Variants in NR2C2 observed in about 807,000 individuals in gnomAD.
The protein encoded by NR2C2 is nuclear receptor subfamily 2 group C member 2, also known as Nuclear hormone receptor TR4.
In NR2C2, 6 loss-of-function variants were observed where a neutral mutation model predicts 62.9. The ratio of observed to expected loss-of-function variants is 0.10; its 90% CI spans 0.05 to 0.19. The LOEUF is 0.19. Among genes scored for constraint, NR2C2 ranks in the 10% least tolerant of loss-of-function variants. NR2C2 has a pLI of 1.00. For missense variants in NR2C2, 479 were observed against 762.7 expected, an observed-to-expected ratio of 0.63 and a Z score of 4.38; for synonymous variants, 272 against 273.8, an observed-to-expected ratio of 0.99 and a Z score of 0.07.
intron 1 of NR2C2, among the ~76,000 whole-genome samples, chr3:14,953,725 C>A (rs1245688408): frequency 6.6e-6 from 1 of 152,072 alleles, no homozygotes; most frequent in Non-Finnish European, 1.5e-5. Context: ...GAAACCCCAT[C>A]TCTACTAACA....
At chr3:14,978,366 C>T (rs1227909022) in intron 1 of NR2C2, among the ~76,000 whole-genome samples, 1 of 152,138 alleles carries the variant, frequency 6.6e-6, no homozygotes, top group East Asian at 1.9e-4. Context: ...TAACACAAAG[C>T]CTATTTTATA....
At chr3:15,010,479 G>A (rs573839622) in intron 2 of NR2C2, among the ~76,000 whole-genome samples, 126 of 151,934 alleles carry the variant, frequency 8.3e-4, no homozygotes, top group Non-Finnish European at 1.4e-3. Flanking sequence ...CTTGGGAGGC[G>A]AAGGCACGAG....
At chr3:15,024,767 C>T (rs1434530557) in intron 7 of NR2C2, among the ~76,000 whole-genome samples, 1 of 152,216 alleles carries the variant, frequency 6.6e-6, no homozygotes, top group Non-Finnish European at 1.5e-5. Context: ...CACTGTTTGT[C>T]TCATCCTGGT....
chr3:15,031,587 G>A (rs967685173), intron 9 of NR2C2, among the ~76,000 whole-genome samples: 4 of 151,902 alleles, frequency 2.6e-5, no homozygotes, highest in African/African-American at 9.7e-5. Flanking sequence ...TGCCCAAGCT[G>A]GTCTCAAACA....
chr3:14,994,569 A>C (rs2040767039), intron 1 of NR2C2, among the ~76,000 whole-genome samples: 1 of 147,472 alleles, frequency 6.8e-6, no homozygotes, highest in African/African-American at 2.5e-5. Context: ...CAGACTCCCG[A>C]GTAGCTGGGA....
chr3:15,007,024 C>T (rs2041193143), intron 2 of NR2C2, among the ~76,000 whole-genome samples: 2 of 152,198 alleles, frequency 1.3e-5, no homozygotes, highest in East Asian at 1.9e-4. Flanking sequence ...ATCAGCCTGC[C>T]TCGGCCTCCC....
In NR2C2 at chr3:15,030,320, C is replaced by G. The variant is rs1275225139; in HGVS notation, c.978C>G (p.Ser326=). The G allele has an allele frequency of 6.2e-7, 1 of 1,612,792 alleles. No homozygotes were observed. The highest frequency in any genetic ancestry group is 2.2e-5 in the East Asian group (1 of 44,790). ...LAKALNTTDS[S]SSPSLADGID... ...AAGCACTTAATACCACAGACAGCTC[C>G]TCTTCTCCAAGCTTGGCAGATGGGA... The change falls in exon 9 of 14, where the codon TCC becomes TCG. Residue 326 remains serine, a synonymous_variant. Coordinates refer to ENST00000425241, the MANE Select transcript of NR2C2 (RefSeq NM_001291694.2).
At position 15,043,245 on chromosome 3, in the gene NR2C2, T is replaced by A. The variant is rs2042333550; in HGVS notation, c.*237T>A. 6 of 346,796 alleles carry A rather than the reference T, an allele frequency of 1.7e-5. No homozygotes were observed. Among genetic ancestry groups the A allele is most frequent in the Non-Finnish European group, 1.5e-5 (3 of 194,684 alleles). The allele number at this position is 346,796 out of a possible 1,614,324, so 21.5% of individuals were successfully genotyped here. ...AAGCAGCAGATTTTGGAACAATCTT[T>A]TAACTCAATTTGTATTTAGAAATTC... is the stretch of plus-strand genomic sequence containing the variant. On this transcript the variant is annotated 3_prime_UTR_variant, in exon 14 of 14. Coordinates refer to ENST00000425241, the MANE Select transcript of NR2C2 (RefSeq NM_001291694.2).
chr3:14,979,205 G>A (rs920582617), intron 1 of NR2C2, among the ~76,000 whole-genome samples: 3 of 151,538 alleles, frequency 2.0e-5, no homozygotes, highest in Non-Finnish European at 4.4e-5. Flanking sequence ...TGTTTAAGGT[G>A]GCTTGGTAAA....
intron 4 of NR2C2, among the ~76,000 whole-genome samples, chr3:15,018,301 G>T (rs1313835622): frequency 6.6e-6 from 1 of 152,046 alleles, no homozygotes. Context: ...CCAGCCAGGG[G>T]CACTTTTTAA....
intron 13 of NR2C2, chr3:15,042,369 C>G (rs1225951111): frequency 6.6e-6 from 1 of 152,650 alleles, no homozygotes; most frequent in Admixed American, 6.5e-5. Context: ...GCGTGGTGAA[C>G]ATTTTCCCAA....
intron 6 of NR2C2, among the ~76,000 whole-genome samples, chr3:15,023,611 AT>A (rs1404390724): frequency 6.6e-6 from 1 of 152,218 alleles, no homozygotes; most frequent in Non-Finnish European, 1.5e-5. Flanking sequence ...ACGGAAGACA[AT>A]TATTTTATGA....
At chr3:15,004,427 T>TA in intron 2 of NR2C2, 1 of 813,806 alleles carries the variant, frequency 1.2e-6, no homozygotes, top group South Asian at 3.0e-5. Flanking sequence ...CAAAGGGATA[T>TA]TGCTTATAAA....
chr3:14,962,938 G>C (rs2039729984), intron 1 of NR2C2, among the ~76,000 whole-genome samples: 1 of 152,128 alleles, frequency 6.6e-6, no homozygotes, highest in African/African-American at 2.4e-5. Flanking sequence ...ATGAGTCATG[G>C]GTTGTTCCTT....
Position 15,046,083 on chromosome 3 carries a change from GGTGTTTTTAAGGAAGT to G in NR2C2, c.*3081_*3096del, listed in dbSNP as rs934406335. The G allele has an allele frequency of 6.6e-6, 1 of 152,228 alleles. No homozygotes were observed. Among genetic ancestry groups the G allele is most frequent in the African/African-American group, 2.4e-5 (1 of 41,454 alleles). 9.4% of individuals were successfully genotyped at this position (152,228 alleles called of 1,614,324 possible). ...AATACTTTTCAAGTTACTCCTGGAAGGTGTTTTTAAGGAAGTGTGTTACCTACCATACTCTCCTAAT... is the reference window on the plus strand; with the variant it reads ...AATACTTTTCAAGTTACTCCTGGAAGGTGTTACCTACCATACTCTCCTAAT... On this transcript the variant is annotated 3_prime_UTR_variant, in exon 14 of 14. Coordinates refer to ENST00000425241, the MANE Select transcript of NR2C2 (RefSeq NM_001291694.2).
chr3:14,987,973 GCAT>G, intron 1 of NR2C2, among the ~76,000 whole-genome samples: 1 of 152,286 alleles, frequency 6.6e-6, no homozygotes. Flanking sequence ...CGGAAACATA[GCAT>G]AATTTACTAA....
Position 15,032,368 on chromosome 3 carries a change from C to A in NR2C2, c.1111-11C>A. On this transcript the variant is annotated splice_polypyrimidine_tract_variant and intron_variant, in intron 9 of 13. Coordinates refer to ENST00000425241, the MANE Select transcript of NR2C2 (RefSeq NM_001291694.2). Reference sequence around the variant, plus strand: ...CTTCACCTCCTGTGCCATGTGCCTCCTCTTTTCCAGCTAACAATGCCCAGT... The same window carrying A: ...CTTCACCTCCTGTGCCATGTGCCTCATCTTTTCCAGCTAACAATGCCCAGT... 1 of 1,614,208 alleles carries A rather than the reference C, an allele frequency of 6.2e-7. No individual in the cohort carries two copies.
chr3:14,959,943 G>A (rs776309100), intron 1 of NR2C2, among the ~76,000 whole-genome samples: 1 of 152,138 alleles, frequency 6.6e-6, no homozygotes, highest in Non-Finnish European at 1.5e-5. Flanking sequence ...TCCCCATATA[G>A]ATAATCCATT....
At chr3:15,036,900 T>C (rs1165078786) in intron 11 of NR2C2, among the ~76,000 whole-genome samples, 2 of 152,188 alleles carry the variant, frequency 1.3e-5, no homozygotes, top group African/African-American at 4.8e-5. Flanking sequence ...GGCAGGTGGA[T>C]AACTTGAGGT....
Sources: allele counts gnomAD v4.1 joint callset (sites outside exome capture counted in the v4.1 genomes callset), GRCh38; gene constraint gnomAD v4.1.1; transcripts MANE v1.5; gene names NCBI Gene and HGNC (gene_info 2026-07-23, HGNC 2026-07-21).